The following TMTC1 variants were observed in gnomAD, a reference collection of about 807,000 sequenced individuals.
TMTC1 encodes the protein transmembrane O-mannosyltransferase targeting cadherins 1, also known as protein O-mannosyl-transferase TMTC1.
Under a neutral mutation model 104.8 loss-of-function variants are expected in TMTC1, and 73 were observed. The observed-to-expected ratio is 0.70, with a 90% CI of 0.58 to 0.85. The LOEUF (loss-of-function observed/expected upper bound fraction) is 0.85. Among genes scored for constraint, TMTC1 ranks in the 40% least tolerant of loss-of-function variants. The pLI, the probability that TMTC1 is intolerant of heterozygous loss-of-function variation, is 0.00. For synonymous variants in TMTC1, 434 were observed against 428.7 expected (o/e 1.01, Z -0.15); for missense variants, 1,035 against 1,096.1 (o/e 0.94, Z 0.79).
At chr12:29,565,278 G>T (rs1945479968) in intron 9 of TMTC1, among the ~76,000 whole-genome samples, 1 of 152,160 alleles carries the variant, frequency 6.6e-6, no homozygotes, top group Non-Finnish European at 1.5e-5. Flanking sequence ...AGGATAATCT[G>T]CTTTACTCAA....
chr12:29,583,724 G>A, intron 7 of TMTC1, 150 bp from the exon 8 acceptor site: 1 of 663,622 alleles, frequency 1.5e-6, no homozygotes, highest in Non-Finnish European at 2.4e-6. Context: ...ATATTAACAT[G>A]TTAGTTCTCT....
chr12:29,570,229 T>C (rs909493991), intron 9 of TMTC1, among the ~76,000 whole-genome samples: 1 of 152,162 alleles, frequency 6.6e-6, no homozygotes, highest in Non-Finnish European at 1.5e-5. Context: ...CTTGAAGGAA[T>C]ATGCCTTTTA....
chr12:29,754,830 C>T (rs994569795), intron 4 of TMTC1, among the ~76,000 whole-genome samples: 12 of 152,114 alleles, frequency 7.9e-5, no homozygotes, highest in South Asian at 4.1e-4. Flanking sequence ...CTCATCTCAG[C>T]GTGTTGCCAC....
At chr12:29,649,984 T>G (rs1939439879) in intron 5 of TMTC1, among the ~76,000 whole-genome samples, 1 of 152,214 alleles carries the variant, frequency 6.6e-6, no homozygotes, top group African/African-American at 2.4e-5. Context: ...TTAAGGGCCA[T>G]CAGGTAGTTG....
intron 5 of TMTC1, among the ~76,000 whole-genome samples, chr12:29,727,666 G>A (rs148004790): frequency 0.016 from 2,410 of 152,240 alleles, 23 homozygotes; most frequent in Middle Eastern, 0.048. Flanking sequence ...GTGAGCCACC[G>A]TGCCTGGCCC....
At position 29,504,861 on chromosome 12, in the gene TMTC1, T is replaced by A. The variant is rs1208119841; in HGVS notation, c.*1985A>T. 1 of 152,300 alleles carries A rather than the reference T, an allele frequency of 6.6e-6. No individual in the cohort carries two copies. The highest frequency in any genetic ancestry group is 1.9e-4 in the East Asian group (1 of 5,178). The allele number at this position is 152,300 out of a possible 1,614,324, so 9.4% of individuals were successfully genotyped here. ...ATTATTCTGAAAAGTTGTAATAAAG[T>A]CCTAGACATTCACTTTTTTCAATTT... On this transcript the variant is annotated 3_prime_UTR_variant, in exon 18 of 18. Transcript: ENST00000539277.
At chr12:29,694,544 T>C (rs1370127451) in intron 5 of TMTC1, among the ~76,000 whole-genome samples, 1 of 152,068 alleles carries the variant, frequency 6.6e-6, no homozygotes, top group African/African-American at 2.4e-5. Context: ...TTTTTTTTTT[T>C]CAAATATTGT....
rs990505710 is a variant in TMTC1, at chr12:29,783,470, C to A, written c.282G>T (p.Pro94=). The A allele has an allele frequency of 7.4e-6, 10 of 1,342,534 alleles. No individual in the cohort carries two copies. Among genetic ancestry groups the A allele is most frequent in the Non-Finnish European group, 8.7e-6 (9 of 1,040,062 alleles). The allele number at this position is 1,342,534 out of a possible 1,614,324, so 83.2% of individuals were successfully genotyped here. ...CTCACTTGAAGGTGAGGACGCAGAG[C>A]GGCCGGTAGGACTTGTGGCTGGTGT... ...AENTSHKSYR[P]LCVLTFKLNI... is the part of the protein sequence containing the mutation. Residue 94 remains proline (P), a synonymous_variant, in exon 1 of 18, where the codon CCG becomes CCT. Transcript: ENST00000539277. The surrounding 1 kb of genome is among the most constrained non-coding windows in gnomAD (Gnocchi z 4.7).
chr12:29,756,140 C>T (rs529114987), intron 3 of TMTC1, among the ~76,000 whole-genome samples: 22 of 152,306 alleles, frequency 1.4e-4, no homozygotes, highest in African/African-American at 5.3e-4. Flanking sequence ...GAGAGACATA[C>T]TTAGTCATAT....
intron 5 of TMTC1, among the ~76,000 whole-genome samples, chr12:29,656,507 A>C (rs979099242): frequency 6.6e-6 from 1 of 151,940 alleles, no homozygotes; most frequent in Non-Finnish European, 1.5e-5. Flanking sequence ...GGCGCCTGCC[A>C]CCATGCCTGG....
chr12:29,576,597 C>T (rs932121173), intron 8 of TMTC1, among the ~76,000 whole-genome samples: 4 of 151,716 alleles, frequency 2.6e-5, no homozygotes, highest in African/African-American at 7.3e-5. Flanking sequence ...ACAGAGAAAA[C>T]GAGAATAGAA....
intron 5 of TMTC1, among the ~76,000 whole-genome samples, chr12:29,694,316 C>A (rs116637167): frequency 2.6e-5 from 4 of 152,102 alleles, no homozygotes; most frequent in Non-Finnish European, 4.4e-5. Context: ...TACCTCAGTG[C>A]GCTCAGAGTA....
intron 5 of TMTC1, among the ~76,000 whole-genome samples, chr12:29,746,630 T>C (rs1380997760): frequency 6.6e-6 from 1 of 152,204 alleles, no homozygotes; most frequent in African/African-American, 2.4e-5. Flanking sequence ...AGCTACCCAT[T>C]TTATCATTGA....
chr12:29,625,484 TGGCCAAGAATTGCCAGA>T (rs1565719146), intron 6 of TMTC1, among the ~76,000 whole-genome samples: 2 of 152,214 alleles, frequency 1.3e-5, no homozygotes, highest in African/African-American at 4.8e-5. Flanking sequence ...AGAGTGTAAG[TGGCCAAGAATTGCCAGA>T]GGCTCTAGTT....
At chr12:29,616,526 G>A (rs1946982188) in intron 6 of TMTC1, among the ~76,000 whole-genome samples, 1 of 151,972 alleles carries the variant, frequency 6.6e-6, no homozygotes, top group African/African-American at 2.4e-5. Flanking sequence ...AAATTAGCCA[G>A]GCATGGTGGT....
At chr12:29,652,454 T>C (rs1939566752) in intron 5 of TMTC1, among the ~76,000 whole-genome samples, 1 of 152,140 alleles carries the variant, frequency 6.6e-6, no homozygotes. Context: ...GCACATGCAG[T>C]TGAAAATGTC....
chr12:29,597,494 C>T (rs1946442267), intron 7 of TMTC1, among the ~76,000 whole-genome samples: 1 of 151,868 alleles, frequency 6.6e-6, no homozygotes, highest in Non-Finnish European at 1.5e-5. Context: ...ACTGTCGGGC[C>T]CTCCAGAGAG....
chr12:29,625,019 C>T (rs952363079), intron 6 of TMTC1, among the ~76,000 whole-genome samples: 3 of 152,102 alleles, frequency 2.0e-5, no homozygotes, highest in Admixed American at 2.0e-4. Context: ...TAATATATAG[C>T]TTCACTATCT....
intron 5 of TMTC1, among the ~76,000 whole-genome samples, chr12:29,685,164 T>C (rs1240755980): frequency 2.0e-5 from 3 of 151,990 alleles, no homozygotes; most frequent in African/African-American, 7.2e-5. Context: ...AGATATCAAG[T>C]ACTATCATTC....
Sources: allele counts gnomAD v4.1 joint callset (sites outside exome capture counted in the v4.1 genomes callset), GRCh38; gene constraint gnomAD v4.1.1; non-coding constraint Gnocchi (gnomAD v3.1); transcripts MANE v1.5; gene names NCBI Gene and HGNC (gene_info 2026-07-23, HGNC 2026-07-21).